The following CNTN4 variants were observed in gnomAD, a reference collection of about 807,000 sequenced individuals.
CNTN4 encodes the protein contactin-4.
Under a neutral mutation model 122.5 loss-of-function variants are expected in CNTN4, and 77 were observed. That is an observed-to-expected ratio of 0.63 (90% confidence interval 0.52 to 0.76). The LOEUF (loss-of-function observed/expected upper bound fraction) is 0.76. CNTN4 is among the 30% of genes least tolerant of loss of function. The probability of loss-of-function intolerance (pLI) is 0.00; values close to 1 mark genes in which losing one functional copy is unlikely to be tolerated. For synonymous variants in CNTN4, 512 were observed against 447.0 expected (o/e 1.15, Z -1.83); for missense variants, 1,256 against 1,259.1 (o/e 1.00, Z 0.04).
intron 4 of CNTN4, among the ~76,000 whole-genome samples, chr3:2,582,935 G>A (rs1280188440): frequency 6.8e-6 from 1 of 147,084 alleles, no homozygotes; most frequent in Non-Finnish European, 1.5e-5. Context: ...AATGGAGAAA[G>A]ACTATCTGAA....
intron 8 of CNTN4, among the ~76,000 whole-genome samples, chr3:2,881,316 G>A (rs1052714822): frequency 3.9e-5 from 6 of 151,982 alleles, no homozygotes; most frequent in Admixed American, 2.0e-4. Flanking sequence ...AATTCAAGAC[G>A]AGCCTGGCCA....
chr3:2,809,368 G>C (rs894222104), intron 6 of CNTN4, among the ~76,000 whole-genome samples: 2 of 152,178 alleles, frequency 1.3e-5, no homozygotes, highest in Admixed American at 6.5e-5. Context: ...CATGGGTCCT[G>C]AGACTGGGTT....
intron 7 of CNTN4, chr3:2,866,457 C>T: frequency 1.6e-6 from 2 of 1,245,740 alleles, no homozygotes; most frequent in Non-Finnish European, 1.0e-6. Context: ...TAGTGCCTGA[C>T]ACCTGATTAG....
At chr3:2,599,863 T>C (rs2080945653) in intron 4 of CNTN4, among the ~76,000 whole-genome samples, 1 of 152,150 alleles carries the variant, frequency 6.6e-6, no homozygotes, top group Non-Finnish European at 1.5e-5. Context: ...GGTTTTATGT[T>C]GCCTGAAGCT....
At chr3:2,210,768 G>A (rs1459489824) in intron 2 of CNTN4, among the ~76,000 whole-genome samples, 2 of 152,012 alleles carry the variant, frequency 1.3e-5, no homozygotes, top group African/African-American at 4.8e-5. Context: ...GACATCTTTT[G>A]TCTTTTTGAA....
At chr3:2,671,968 CT>C (rs1350675621) in intron 4 of CNTN4, among the ~76,000 whole-genome samples, 3 of 152,086 alleles carry the variant, frequency 2.0e-5, no homozygotes, top group Non-Finnish European at 2.9e-5. Flanking sequence ...CTGATCCTTC[CT>C]TTGGAAGTTT....
chr3:2,170,193 G>T lies in CNTN4; in HGVS notation c.-145+69554G>T, dbSNP rs532655033. ...AAAATTAGCCGGGCGTGGTGGCGGCGCCTGTAGTCCCAGCTACTCGGGAGG... is the reference window on the plus strand; with the variant it reads ...AAAATTAGCCGGGCGTGGTGGCGGCTCCTGTAGTCCCAGCTACTCGGGAGG... On this transcript the variant is annotated intron_variant, in intron 2 of 24. Coordinates refer to ENST00000418658, the MANE Select transcript of CNTN4 (RefSeq NM_175607.3). 7.0e-5 allele frequency among the ~76,000 whole-genome samples: 10 copies of T among 143,340 alleles called. No homozygotes were observed. The South Asian group carries it at 2.2e-3, about 31-fold the overall frequency. 94.0% of individuals were successfully genotyped at this position (143,340 alleles called of 152,430 possible).
intron 3 of CNTN4, among the ~76,000 whole-genome samples, chr3:2,566,157 A>G (rs888732962): frequency 6.6e-6 from 1 of 152,210 alleles, no homozygotes; most frequent in Non-Finnish European, 1.5e-5. Flanking sequence ...GGACAACATG[A>G]AAAGCCAAGT....
chr3:2,815,579 AAC>A (rs2092707168), intron 6 of CNTN4, among the ~76,000 whole-genome samples: 1 of 152,130 alleles, frequency 6.6e-6, no homozygotes, highest in Non-Finnish European at 1.5e-5. Flanking sequence ...ATAATCAAAA[AAC>A]AGTAGATGTT....
At chr3:2,626,359 T>C (rs112485869) in intron 4 of CNTN4, among the ~76,000 whole-genome samples, 4 of 152,042 alleles carry the variant, frequency 2.6e-5, no homozygotes, top group African/African-American at 9.6e-5. Flanking sequence ...TAGCCAGGCG[T>C]GGTGGTGGGC....
chr3:2,848,064 A>G (rs1481681272), intron 7 of CNTN4, among the ~76,000 whole-genome samples: 1 of 152,132 alleles, frequency 6.6e-6, no homozygotes, highest in Non-Finnish European at 1.5e-5. Flanking sequence ...CCTGGTCAAC[A>G]TAGCAAGACC....
chr3:2,374,773 G>C (rs2045756429), intron 3 of CNTN4, among the ~76,000 whole-genome samples: 1 of 152,114 alleles, frequency 6.6e-6, no homozygotes, highest in African/African-American at 2.4e-5. Flanking sequence ...CACAAATACA[G>C]AAAATATACA....
In CNTN4 at chr3:2,701,867, A is replaced by G. The variant is rs148899414; in HGVS notation, c.56-34348A>G. Among the ~76,000 whole-genome samples the G allele has an allele frequency of 3.7e-3, 571 of 152,310 alleles. 12 individuals carry two copies. Among genetic ancestry groups the G allele is most frequent in the Middle Eastern group, 0.024 (7 of 294 alleles). On this transcript the variant is annotated intron_variant, in intron 4 of 24. Transcript: ENST00000418658. ...AAAATCCACAATTACTTTTGCACCA[A>G]TGTAAACAGGATTTTTATGATACAA...
At chr3:2,708,291 C>T (rs1461958799) in intron 4 of CNTN4, among the ~76,000 whole-genome samples, 3 of 152,024 alleles carry the variant, frequency 2.0e-5, no homozygotes, top group Non-Finnish European at 2.9e-5. Flanking sequence ...GCTGATGATA[C>T]AATGGCATTT....
intron 3 of CNTN4, among the ~76,000 whole-genome samples, chr3:2,467,018 A>T (rs1382669960): frequency 4.1e-5 from 5 of 121,142 alleles, no homozygotes; most frequent in African/African-American, 1.6e-4. Flanking sequence ...GCTGTCACTG[A>T]TCTAATTTTA....
intron 2 of CNTN4, among the ~76,000 whole-genome samples, chr3:2,240,899 C>G (rs147976894): frequency 0.013 from 1,975 of 152,126 alleles, 23 homozygotes; most frequent in Middle Eastern, 0.027. Flanking sequence ...AGTTTGAAAT[C>G]AATTTCATTG....
At chr3:2,448,487 G>T (rs2048706744) in intron 3 of CNTN4, among the ~76,000 whole-genome samples, 1 of 152,138 alleles carries the variant, frequency 6.6e-6, no homozygotes, top group African/African-American at 2.4e-5. Flanking sequence ...CAACTCAAAT[G>T]AACTTGAGAA....
chr3:2,550,099 A>C (rs760516918), intron 3 of CNTN4, among the ~76,000 whole-genome samples: 1 of 152,072 alleles, frequency 6.6e-6, no homozygotes, highest in Non-Finnish European at 1.5e-5. Context: ...TTTTCTTCTT[A>C]TTAGTCTGGC....
intron 7 of CNTN4, among the ~76,000 whole-genome samples, chr3:2,863,654 G>A (rs928672643): frequency 4.6e-5 from 7 of 151,896 alleles, no homozygotes; most frequent in Admixed American, 2.6e-4. Context: ...TTGGTACAGC[G>A]TTTCCCAAAC....
Sources: allele counts gnomAD v4.1 joint callset (sites outside exome capture counted in the v4.1 genomes callset), GRCh38; gene constraint gnomAD v4.1.1; transcripts MANE v1.5; gene names NCBI Gene and HGNC (gene_info 2026-07-23, HGNC 2026-07-21).